Variants in TNIK observed in about 807,000 individuals in gnomAD.
TNIK encodes the protein TRAF2 and NCK-interacting protein kinase.
Under a neutral mutation model 191.3 loss-of-function variants are expected in TNIK, and 49 were observed. The observed-to-expected ratio is 0.26, with a 90% CI of 0.20 to 0.32. TNIK has a LOEUF of 0.32. Among genes scored for constraint, TNIK ranks in the 10% least tolerant of loss-of-function variants. The pLI, the probability that TNIK is intolerant of heterozygous loss-of-function variation, is 1.00. For synonymous variants in TNIK, 594 were observed against 600.9 expected (o/e 0.99, Z 0.17); for missense variants, 1,155 against 1,702.3 (o/e 0.68, Z 5.66).
intron 2 of TNIK, among the ~76,000 whole-genome samples, chr3:171,315,037 A>AC (rs564418819): frequency 2.0e-3 from 303 of 151,780 alleles, no homozygotes; most frequent in Admixed American, 3.9e-3. Flanking sequence ...ACAACCACAA[A>AC]CCCCCCCTCC....
chr3:171,335,703 G>A (rs951752692), intron 2 of TNIK, among the ~76,000 whole-genome samples: 1 of 152,034 alleles, frequency 6.6e-6, no homozygotes, highest in Non-Finnish European at 1.5e-5. Flanking sequence ...CCCACTTTTG[G>A]CTATTATGAC....
intron 4 of TNIK, among the ~76,000 whole-genome samples, chr3:171,208,274 C>T (rs1740346296): frequency 6.6e-6 from 1 of 151,864 alleles, no homozygotes; most frequent in Non-Finnish European, 1.5e-5. Flanking sequence ...TGAGCTATCA[C>T]GGTGCCACCG....
At chr3:171,282,674 TAAC>T (rs1189221592) in intron 2 of TNIK, among the ~76,000 whole-genome samples, 1 of 152,132 alleles carries the variant, frequency 6.6e-6, no homozygotes, top group African/African-American at 2.4e-5. Flanking sequence ...ATTTTAAAAA[TAAC>T]AAATGAAACT....
chr3:171,139,676 C>A (rs895040953), intron 13 of TNIK, 120 bp from the exon 14 acceptor site: 2 of 823,598 alleles, frequency 2.4e-6, no homozygotes, highest in East Asian at 2.5e-5. Flanking sequence ...GGAAAAATAC[C>A]CAAATACCTT....
At chr3:171,236,728 T>C (rs1248888040) in intron 2 of TNIK, among the ~76,000 whole-genome samples, 5 of 152,200 alleles carry the variant, frequency 3.3e-5, no homozygotes, top group African/African-American at 9.7e-5. Flanking sequence ...AACTCTGTCT[T>C]TCCCCTCAGG....
intron 24 of TNIK, among the ~76,000 whole-genome samples, chr3:171,086,041 C>G (rs1721319308): frequency 6.6e-6 from 1 of 152,206 alleles, no homozygotes; most frequent in African/African-American, 2.4e-5. Flanking sequence ...CAATGTCAGT[C>G]ATGTCCATTT....
Position 171,128,710 on chromosome 3 carries a change from G to C in TNIK, c.1773+4C>G. The C allele has an allele frequency of 6.2e-7, 1 of 1,609,750 alleles. No individual in the cohort carries two copies. Among genetic ancestry groups the C allele is most frequent in the East Asian group, 2.2e-5 (1 of 44,824 alleles). ...ATGCCTGATGGAATGGAGGCAGACTGTACCTGGGGATCGACTGGTCTGAGC... is the reference window on the plus strand; with the variant it reads ...ATGCCTGATGGAATGGAGGCAGACTCTACCTGGGGATCGACTGGTCTGAGC... On this transcript the variant is annotated splice_donor_region_variant and intron_variant, in intron 16 of 32. Transcript: ENST00000436636.
intron 2 of TNIK, among the ~76,000 whole-genome samples, chr3:171,322,229 A>AT (rs756763448): frequency 6.6e-6 from 1 of 152,174 alleles, no homozygotes; most frequent in Non-Finnish European, 1.5e-5. Flanking sequence ...AAAATCACAG[A>AT]TTTTTTGTAG....
chr3:171,417,200 T>C (rs1408076715), intron 1 of TNIK, among the ~76,000 whole-genome samples: 1 of 152,228 alleles, frequency 6.6e-6, no homozygotes, highest in Non-Finnish European at 1.5e-5. Context: ...TCTCAAAATA[T>C]GTTTTGAAGA....
chr3:171,202,085 A>G (rs1560255166), intron 4 of TNIK, among the ~76,000 whole-genome samples: 1 of 152,224 alleles, frequency 6.6e-6, no homozygotes, highest in Non-Finnish European at 1.5e-5. Context: ...CTATGTCTCA[A>G]GAGACAGACA....
At chr3:171,435,097 G>T (rs1157961280) in intron 1 of TNIK, among the ~76,000 whole-genome samples, 2 of 152,302 alleles carry the variant, frequency 1.3e-5, no homozygotes, top group South Asian at 4.1e-4. Flanking sequence ...CCTCATGGTT[G>T]TCAGATGGCT....
intron 1 of TNIK, among the ~76,000 whole-genome samples, chr3:171,389,741 C>T (rs908216773): frequency 1.3e-5 from 2 of 152,186 alleles, no homozygotes; most frequent in African/African-American, 4.8e-5. Flanking sequence ...CACAGGGGTA[C>T]TCCTACCAGC....
chr3:171,171,884 T>C (rs1218036284), intron 9 of TNIK, among the ~76,000 whole-genome samples: 1 of 152,184 alleles, frequency 6.6e-6, no homozygotes, highest in Non-Finnish European at 1.5e-5. Flanking sequence ...GGTGAGAGTA[T>C]CTTTGGTTTC....
intron 15 of TNIK, among the ~76,000 whole-genome samples, chr3:171,131,457 G>A (rs1370377550): frequency 7.1e-6 from 1 of 141,184 alleles, no homozygotes; most frequent in Non-Finnish European, 1.5e-5. Flanking sequence ...TGTTGCTAAT[G>A]TACTTCTAGT....
chr3:171,306,827 T>TG (rs1202917994), intron 2 of TNIK, among the ~76,000 whole-genome samples: 1 of 152,074 alleles, frequency 6.6e-6, no homozygotes, highest in Non-Finnish European at 1.5e-5. Context: ...AGCGATTCCA[T>TG]GCTCGGCTTT....
At chr3:171,164,503 G>T (rs1734374656) in intron 10 of TNIK, among the ~76,000 whole-genome samples, 1 of 152,236 alleles carries the variant, frequency 6.6e-6, no homozygotes, top group South Asian at 2.1e-4. Context: ...ATTTGAGGCA[G>T]TAGATATTAG....
At chr3:171,202,939 G>A (rs901803050) in intron 4 of TNIK, among the ~76,000 whole-genome samples, 4 of 152,204 alleles carry the variant, frequency 2.6e-5, no homozygotes, top group African/African-American at 9.6e-5. Flanking sequence ...CGTAGGCTCT[G>A]TATATGAAGG....
intron 1 of TNIK, among the ~76,000 whole-genome samples, chr3:171,400,444 C>T (rs1275291351): frequency 6.6e-6 from 1 of 151,952 alleles, no homozygotes; most frequent in East Asian, 1.9e-4. Flanking sequence ...TAGTGCATTC[C>T]TGTAGTCCCA....
chr3:171,142,801 T>C (rs1262000876), intron 12 of TNIK, among the ~76,000 whole-genome samples: 2 of 152,212 alleles, frequency 1.3e-5, no homozygotes, highest in Non-Finnish European at 1.5e-5. Context: ...AATAATTATG[T>C]GTACAGATCT....
Sources: allele counts gnomAD v4.1 joint callset (sites outside exome capture counted in the v4.1 genomes callset), GRCh38; gene constraint gnomAD v4.1.1; transcripts MANE v1.5; gene names NCBI Gene and HGNC (gene_info 2026-07-23, HGNC 2026-07-21).